FLT3LG: variants seen among roughly 807,000 people sequenced by gnomAD.
FLT3LG encodes fms-related tyrosine kinase 3 ligand.
FLT3LG carries 8 observed loss-of-function variants against 30.9 expected under a neutral mutation model. That is an observed-to-expected ratio of 0.26 (90% CI 0.15 to 0.47). FLT3LG has a LOEUF of 0.47. Ranked by LOEUF, FLT3LG falls within the 20% of genes least tolerant of loss-of-function variation. The probability of loss-of-function intolerance (pLI) is 0.99; values close to 1 mark genes in which losing one functional copy is unlikely to be tolerated. For missense variants in FLT3LG, 278 were observed against 306.2 expected, an observed-to-expected ratio of 0.91 and a Z score of 0.69; for synonymous variants, 123 against 135.9, an observed-to-expected ratio of 0.91 and a Z score of 0.66.
chr19:49,478,622 AAATAGCTGGGC>A (rs1458473923), intron 5 of FLT3LG, among the ~76,000 whole-genome samples: 1 of 151,832 alleles, frequency 6.6e-6, no homozygotes, highest in Non-Finnish European at 1.5e-5. Flanking sequence ...CAAATACAAA[AAATAGCTGGGC>A]ATGGTGGTGG....
Position 49,480,463 on chromosome 19 carries a change from G to A in FLT3LG, c.647G>A (p.Arg216His), listed in dbSNP as rs1029623303. 1.1e-5 allele frequency: 17 copies of A among 1,586,810 alleles called. No individual in the cohort carries two copies. The highest frequency in any genetic ancestry group is 2.3e-5 in the East Asian group (1 of 43,038). ...HWQRTRRRTP[R>H]PGEQVPPVPS... is the part of the protein sequence containing the mutation. Reference sequence around the variant, plus strand: ...CAGAGGACGCGGCGGAGGACACCCCGCCCTGGGGAGCAGGTGAGCAGGCTG... The same window carrying A: ...CAGAGGACGCGGCGGAGGACACCCCACCCTGGGGAGCAGGTGAGCAGGCTG... Residue 216 changes from arginine (R) to histidine (H), a missense_variant, in exon 7 of 9, where the codon CGC becomes CAC. Transcript: ENST00000597551.
rs370714874 is a variant in FLT3LG at position 49,475,808 on chromosome 19, G to A, written c.144+7G>A. 40 of 1,611,500 alleles carry A rather than the reference G, an allele frequency of 2.5e-5. No homozygotes were observed. The highest frequency in any genetic ancestry group is 1.8e-4 in the Admixed American group (11 of 59,938). On this transcript the variant is annotated splice_region_variant and intron_variant, in intron 3 of 8. Transcript: ENST00000597551. ...TGTCAAAATCCGTGAGCTGGTGAGC[G>A]GCGCTGCCCCGGACCCCCTCATGTG...
chr19:49,474,542 G>T (rs372444883), intron 1 of FLT3LG, 61 bp from the exon 2 acceptor site: 2 of 1,275,708 alleles, frequency 1.6e-6, no homozygotes, highest in Middle Eastern at 2.6e-4. Flanking sequence ...GAGGCAAAGG[G>T]GCGGGCAGGG....
chr19:49,476,701 G>A lies in FLT3LG; in HGVS notation c.342+135G>A. On this transcript the variant is annotated intron_variant, in intron 5 of 8. Coordinates refer to ENST00000597551, the MANE Select transcript of FLT3LG (RefSeq NM_001459.4). This position sits in a 1 kb window ranked among gnomAD's most constrained non-coding sequence, Gnocchi z 5.3. ...AAGGTAGAGCGAGAAGCGCCACCCT[G>A]CAGAGCCCTGTTCCTACAGAACAAC... The A allele has an allele frequency of 8.8e-7, 1 of 1,136,888 alleles. No homozygotes were observed. The highest frequency in any genetic ancestry group is 1.3e-5 in the South Asian group (1 of 74,586). The allele number at this position is 1,136,888 out of a possible 1,614,324, so 70.4% of individuals were successfully genotyped here.
At chr19:49,478,662 A>T (rs1273310300) in intron 5 of FLT3LG, among the ~76,000 whole-genome samples, 3 of 151,812 alleles carry the variant, frequency 2.0e-5, no homozygotes, top group Non-Finnish European at 2.9e-5. Flanking sequence ...AGTCCCAACC[A>T]CTGAGGAGGC....
intron 6 of FLT3LG, chr19:49,479,555 G>A (rs568185424): frequency 6.1e-4 from 87 of 143,052 alleles, no homozygotes; most frequent in Admixed American, 1.3e-3. Flanking sequence ...AGGCTGGAGT[G>A]CAGGGGTGCT....
intron 8 of FLT3LG, chr19:49,480,966 A>T: frequency 5.7e-6 from 1 of 175,898 alleles, no homozygotes; most frequent in Non-Finnish European, 1.2e-5. Flanking sequence ...CAGGAGGCGG[A>T]GGTTGCAGTG....
At chr19:49,477,083 C>T (rs2079420093) in intron 5 of FLT3LG, among the ~76,000 whole-genome samples, 1 of 151,984 alleles carries the variant, frequency 6.6e-6, no homozygotes. Context: ...CGAGATCATG[C>T]CACTGCACTC....
chr19:49,485,604 A>C (rs1354578499), intron 8 of FLT3LG, among the ~76,000 whole-genome samples: 1 of 150,418 alleles, frequency 6.6e-6, no homozygotes, highest in Non-Finnish European at 1.5e-5. Flanking sequence ...CTGGTCTCAA[A>C]CTCCCAACCT....
chr19:49,479,968 T>TA (rs1490063598), intron 6 of FLT3LG, among the ~76,000 whole-genome samples: 1 of 151,998 alleles, frequency 6.6e-6, no homozygotes, highest in Non-Finnish European at 1.5e-5. Flanking sequence ...CATGCCTGGC[T>TA]AGTTTTTGTG....
At chr19:49,474,545 G>A (rs1263090237) in intron 1 of FLT3LG, 58 bp from the exon 2 acceptor site, 12 of 1,302,874 alleles carry the variant, frequency 9.2e-6, no homozygotes, top group East Asian at 7.1e-5. Context: ...GCAAAGGGGC[G>A]GGCAGGGCAG....
In FLT3LG at chr19:49,485,124, G is replaced by A. The variant is rs900160732; in HGVS notation, c.*22-891G>A. Among the ~76,000 whole-genome samples, 6 of 151,830 alleles carry A rather than the reference G, an allele frequency of 4.0e-5. 1 individual carries two copies. Among genetic ancestry groups the A allele is most frequent in the African/African-American group, 1.2e-4 (5 of 41,244 alleles). The stretch of plus-strand genomic sequence containing the variant: ...CAGCCTCAAACTCCTGGACTCAAGT[G>A]ATCCTCCTGCCTCAGCCTCCTGAGT... On this transcript the variant is annotated intron_variant, in intron 8 of 8. Coordinates refer to ENST00000597551, the MANE Select transcript of FLT3LG (RefSeq NM_001459.4).
At chr19:49,485,515 G>A (rs1270765775) in intron 8 of FLT3LG, among the ~76,000 whole-genome samples, 1 of 151,974 alleles carries the variant, frequency 6.6e-6, no homozygotes, top group African/African-American at 2.4e-5. Flanking sequence ...TGCAACCTCC[G>A]CCTCCCGGGT....
chr19:49,478,876 C>T, intron 5 of FLT3LG, 33 bp from the exon 6 acceptor site: 3 of 1,480,506 alleles, frequency 2.0e-6, no homozygotes, highest in Non-Finnish European at 1.8e-6. Context: ...GGGGGGATGA[C>T]GTGGTGGTGA....
intron 8 of FLT3LG, among the ~76,000 whole-genome samples, chr19:49,483,693 G>C (rs2079692278): frequency 6.6e-6 from 1 of 151,522 alleles, no homozygotes; most frequent in Admixed American, 6.6e-5. Flanking sequence ...CTGCACTCCA[G>C]CCTGGGTGAG....
At chr19:49,482,472 C>T (rs1425981921) in intron 8 of FLT3LG, 3 of 151,882 alleles carry the variant, frequency 2.0e-5, no homozygotes, top group African/African-American at 7.3e-5. Flanking sequence ...TCTGCTGCCT[C>T]AGTTTCCTGA....
intron 2 of FLT3LG, 24 bp from the exon 3 acceptor site, chr19:49,475,667 C>T (rs780228561): frequency 6.3e-6 from 10 of 1,598,838 alleles, no homozygotes; most frequent in African/African-American, 1.3e-5. Context: ...GCAGAGGGCT[C>T]CCCCAGCACC....
At chr19:49,477,476 C>T (rs560009259) in intron 5 of FLT3LG, among the ~76,000 whole-genome samples, 19 of 151,948 alleles carry the variant, frequency 1.3e-4, no homozygotes, top group African/African-American at 4.3e-4. Flanking sequence ...TGGTGGCTCA[C>T]GACTGTAATC....
chr19:49,480,720 G>T, intron 8 of FLT3LG, 100 bp downstream of exon 8: 1 of 1,268,658 alleles, frequency 7.9e-7, no homozygotes. Flanking sequence ...AGGGGCAGGG[G>T]CAGCTCTAGG....
Sources: allele counts gnomAD v4.1 joint callset (sites outside exome capture counted in the v4.1 genomes callset), GRCh38; gene constraint gnomAD v4.1.1; non-coding constraint Gnocchi (gnomAD v3.1); transcripts MANE v1.5; gene names NCBI Gene and HGNC (gene_info 2026-07-23, HGNC 2026-07-21).